VWF: variants seen among roughly 807,000 people sequenced by gnomAD.
VWF encodes Factor VIII related antigen.
A neutral mutation model predicts 308.6 loss-of-function variants in VWF; 176 were observed. The ratio of observed to expected loss-of-function variants is 0.57; its 90% CI spans 0.50 to 0.65. The LOEUF (loss-of-function observed/expected upper bound fraction) is 0.65, where lower values mean the gene tolerates loss of function less well. VWF is among the 30% of genes least tolerant of loss of function. The pLI is 0.00. For missense variants in VWF, 3,146 were observed against 3,648.2 expected, an observed-to-expected ratio of 0.86 and a Z score of 3.55; for synonymous variants, 1,385 against 1,443.4, an observed-to-expected ratio of 0.96 and a Z score of 0.92.
intron 38 of VWF, among the ~76,000 whole-genome samples, 153 bp from the exon 39 acceptor site, chr12:5,985,818 G>A (rs1476706644): frequency 6.6e-6 from 1 of 152,250 alleles, no homozygotes; most frequent in Admixed American, 6.5e-5. Flanking sequence ...CAGGCTGAAA[G>A]GAGGTTGTGA....
At chr12:5,963,537 GA>G (rs1180650309) in intron 47 of VWF, among the ~76,000 whole-genome samples, 3 of 152,222 alleles carry the variant, frequency 2.0e-5, no homozygotes, top group Admixed American at 6.5e-5. Context: ...TAGAATGCTG[GA>G]AAAAACTTCT....
intron 5 of VWF, among the ~76,000 whole-genome samples, chr12:6,100,836 T>A (rs887300251): frequency 1.4e-4 from 21 of 152,106 alleles, no homozygotes; most frequent in African/African-American, 5.1e-4. Context: ...GGCACATGTA[T>A]ACATATGTAA....
At chr12:5,951,347 T>A (rs1473047114) in intron 50 of VWF, among the ~76,000 whole-genome samples, 1 of 152,156 alleles carries the variant, frequency 6.6e-6, no homozygotes, top group African/African-American at 2.4e-5. Flanking sequence ...CCACAGCACA[T>A]GTGGGCTGTT....
At chr12:6,104,249 G>C (rs75435193) in intron 5 of VWF, among the ~76,000 whole-genome samples, 1 of 151,958 alleles carries the variant, frequency 6.6e-6, no homozygotes, top group Admixed American at 6.6e-5. Flanking sequence ...TAGTCACAAC[G>C]GTTATTATTA....
chr12:6,110,241 G>A (rs111833881), intron 5 of VWF, 133 bp downstream of exon 5: 19 of 963,404 alleles, frequency 2.0e-5, no homozygotes, highest in African/African-American at 1.8e-4. Context: ...AAGAGATAAG[G>A]TTGGCAACAT....
chr12:6,084,425 C>T (rs967283776), intron 6 of VWF, among the ~76,000 whole-genome samples: 1 of 152,236 alleles, frequency 6.6e-6, no homozygotes, highest in African/African-American at 2.4e-5. Flanking sequence ...CATGACCTCA[C>T]CATGCCTGGG....
chr12:5,995,202 G>A (rs991288561), intron 35 of VWF, among the ~76,000 whole-genome samples: 1 of 152,120 alleles, frequency 6.6e-6, no homozygotes, highest in Middle Eastern at 3.2e-3. Flanking sequence ...TCTTCTTTGT[G>A]TGTATGTGTG....
chr12:6,042,165 C>T (rs532180539), intron 18 of VWF, among the ~76,000 whole-genome samples: 65 of 152,292 alleles, frequency 4.3e-4, no homozygotes, highest in Admixed American at 1.8e-3. Flanking sequence ...CCTGGCCTGA[C>T]GGGTCTGCCC....
intron 3 of VWF, among the ~76,000 whole-genome samples, chr12:6,113,238 G>C (rs1213265869): frequency 6.6e-6 from 1 of 151,532 alleles, no homozygotes; most frequent in Non-Finnish European, 1.5e-5. Flanking sequence ...CAAACTTACT[G>C]ACAGCAAGAA....
intron 2 of VWF, among the ~76,000 whole-genome samples, chr12:6,122,003 G>A (rs1036606317): frequency 1.6e-4 from 24 of 152,094 alleles, no homozygotes; most frequent in Admixed American, 1.3e-3. Context: ...AACATTCAGC[G>A]ATGATTAGAG....
At chr12:6,053,932 C>T (rs1591887375) in intron 15 of VWF, among the ~76,000 whole-genome samples, 2 of 152,296 alleles carry the variant, frequency 1.3e-5, no homozygotes, top group Admixed American at 1.3e-4. Flanking sequence ...TGACAAAATT[C>T]CTTATGGGCA....
intron 47 of VWF, among the ~76,000 whole-genome samples, chr12:5,958,332 G>T (rs1035759519): frequency 1.3e-5 from 2 of 152,134 alleles, no homozygotes; most frequent in Non-Finnish European, 2.9e-5. Flanking sequence ...TAGATAGATA[G>T]GTTGAGAAGA....
chr12:5,959,367 A>G (rs1943285526), intron 47 of VWF, among the ~76,000 whole-genome samples: 1 of 152,234 alleles, frequency 6.6e-6, no homozygotes, highest in Non-Finnish European at 1.5e-5. Context: ...CTAATCCACA[A>G]TCTTAGTCAG....
chr12:6,035,017 C>T lies in VWF; in HGVS notation c.2547-191G>A, dbSNP rs1472023039. Among the ~76,000 whole-genome samples the T allele has an allele frequency of 2.0e-5, 3 of 152,132 alleles. No homozygotes were observed. The East Asian group carries it at 5.8e-4, about 29-fold the overall frequency. On this transcript the variant is annotated intron_variant, in intron 19 of 51. Transcript: ENST00000261405. ...GCCCAGTATGGTGCCCAGCAGGAGA[C>T]AGGGAAGCCTAGTGGCTGTCCCTAA...
In VWF at chr12:5,964,231, C is replaced by A. The variant is rs180796543; in HGVS notation, c.7887+3255G>T. 3.6e-4 allele frequency among the ~76,000 whole-genome samples: 52 copies of A among 145,614 alleles called. 2 individuals carry two copies. Among genetic ancestry groups the A allele is most frequent in the African/African-American group, 1.4e-3 (51 of 36,362 alleles). Reference sequence around the variant, plus strand: ...GACTCTGTCTAAAAATACATACATACATACATACATACATACATGCATACA... The same window carrying A: ...GACTCTGTCTAAAAATACATACATAAATACATACATACATACATGCATACA... On this transcript the variant is annotated intron_variant, in intron 47 of 51. Transcript: ENST00000261405.
intron 19 of VWF, among the ~76,000 whole-genome samples, chr12:6,036,021 G>A (rs1944332808): frequency 6.6e-6 from 1 of 152,162 alleles, no homozygotes; most frequent in Admixed American, 6.5e-5. Flanking sequence ...CGTGTATAAG[G>A]TATATATGAA....
intron 20 of VWF, among the ~76,000 whole-genome samples, chr12:6,032,744 A>C (rs1242140994): frequency 6.6e-6 from 1 of 152,006 alleles, no homozygotes; most frequent in South Asian, 2.1e-4. Context: ...CCACACACAC[A>C]CATACACCCA....
intron 40 of VWF, among the ~76,000 whole-genome samples, chr12:5,983,997 TAGATAGATAGATAGATAGATAGAC>T (rs1565819113): frequency 2.6e-5 from 3 of 116,940 alleles, no homozygotes; most frequent in African/African-American, 9.5e-5. Flanking sequence ...GATAGATAGA[TAGATAGATAGATAGATAGATAGAC>T]AGACAGACAG....
intron 40 of VWF, among the ~76,000 whole-genome samples, chr12:5,983,824 A>G (rs959447481): frequency 4.8e-5 from 4 of 84,040 alleles, no homozygotes; most frequent in African/African-American, 1.5e-4. Flanking sequence ...TAGATGATAG[A>G]GGATAGATGA....
Sources: allele counts gnomAD v4.1 joint callset (sites outside exome capture counted in the v4.1 genomes callset), GRCh38; gene constraint gnomAD v4.1.1; transcripts MANE v1.5; gene names NCBI Gene and HGNC (gene_info 2026-07-23, HGNC 2026-07-21).